The following NDUFB5 variants were observed in gnomAD, a reference collection of about 807,000 sequenced individuals.
NDUFB5 encodes the protein NADH dehydrogenase [ubiquinone] 1 beta subcomplex subunit 5, mitochondrial.
A neutral mutation model predicts 19.4 loss-of-function variants in NDUFB5; 19 were observed. The ratio of observed to expected loss-of-function variants is 0.98; its 90% CI spans 0.68 to 1.43. NDUFB5 has a LOEUF of 1.43. Ranked by LOEUF, NDUFB5 falls within the 40% of genes most tolerant of loss-of-function variation. The pLI, the probability that NDUFB5 is intolerant of heterozygous loss-of-function variation, is 0.00. For synonymous variants in NDUFB5, 80 were observed against 82.6 expected (o/e 0.97, Z 0.17); for missense variants, 233 against 236.5 (o/e 0.99, Z 0.10).
intron 3 of NDUFB5, 28 bp downstream of exon 3, chr3:179,616,077 C>T (rs1323495893): frequency 6.3e-7 from 1 of 1,579,066 alleles, no homozygotes; most frequent in Non-Finnish European, 8.6e-7. Context: ...CCTGCCAGCA[C>T]CACCAGATTG....
intron 1 of NDUFB5, among the ~76,000 whole-genome samples, chr3:179,612,432 G>A (rs1271249794): frequency 2.0e-5 from 3 of 148,292 alleles, no homozygotes; most frequent in Non-Finnish European, 4.5e-5. Context: ...GGTAATATGT[G>A]TAAAGAAAGA....
At chr3:179,620,740 G>T (rs1282713387) in intron 5 of NDUFB5, among the ~76,000 whole-genome samples, 7 of 152,010 alleles carry the variant, frequency 4.6e-5, no homozygotes, top group Non-Finnish European at 7.4e-5. Flanking sequence ...TTTTGCTATT[G>T]TACATACTGC....
chr3:179,611,734 A>C (rs1719246852), intron 1 of NDUFB5, among the ~76,000 whole-genome samples: 1 of 152,084 alleles, frequency 6.6e-6, no homozygotes, highest in Admixed American at 6.6e-5. Context: ...AAGTTCCCAC[A>C]TTCCCACATT....
intron 1 of NDUFB5, among the ~76,000 whole-genome samples, chr3:179,611,298 A>G (rs1277479700): frequency 1.3e-5 from 2 of 152,222 alleles, no homozygotes; most frequent in African/African-American, 4.8e-5. Context: ...TTGGCAAATG[A>G]TGAATGAAGG....
At chr3:179,612,771 C>T (rs897300588) in intron 1 of NDUFB5, among the ~76,000 whole-genome samples, 2 of 152,124 alleles carry the variant, frequency 1.3e-5, no homozygotes, top group African/African-American at 4.8e-5. Context: ...CCGCCGCGCT[C>T]AGCCAAAAAC....
chr3:179,616,092 A>C (rs1719370081), intron 3 of NDUFB5, 43 bp downstream of exon 3: 6 of 1,470,656 alleles, frequency 4.1e-6, no homozygotes, highest in Non-Finnish European at 5.6e-6. Flanking sequence ...AGATTGGAAA[A>C]ATTTTTAAAC....
At chr3:179,607,750 C>A in intron 1 of NDUFB5, 1 of 702,708 alleles carries the variant, frequency 1.4e-6, no homozygotes, top group Admixed American at 2.0e-5. Flanking sequence ...CATTCCCCTT[C>A]CACGTAGCCC....
chr3:179,623,909 A>G lies in NDUFB5; in HGVS notation c.450-11A>G, dbSNP rs1385137847. 4 of 1,613,364 alleles carry G rather than the reference A, an allele frequency of 2.5e-6. No individual in the cohort carries two copies. The highest frequency in any genetic ancestry group is 1.1e-5 in the South Asian group (1 of 90,848). ...GCTGGAATCTCAATATTGCTGTTCC[A>G]TTTGTTACAGGGTAAAGGAGCTGGA... On this transcript the variant is annotated splice_polypyrimidine_tract_variant and intron_variant, in intron 5 of 5. Coordinates refer to ENST00000259037, the MANE Select transcript of NDUFB5 (RefSeq NM_002492.4).
At chr3:179,615,786 T>C (rs1328265850) in intron 2 of NDUFB5, 197 bp from the exon 3 acceptor site, 2 of 614,210 alleles carry the variant, frequency 3.3e-6, no homozygotes, top group African/African-American at 1.9e-5. Flanking sequence ...TTTAGACTTT[T>C]GTTCTTAACA....
intron 2 of NDUFB5, 50 bp from the exon 3 acceptor site, chr3:179,615,933 T>C (rs1560025487): frequency 7.6e-7 from 1 of 1,324,088 alleles, no homozygotes; most frequent in African/African-American, 1.4e-5. Context: ...GATTTGTGTG[T>C]GGGGAGAGTT....
At position 179,618,413 on chromosome 3, in the gene NDUFB5, A is replaced by G. The variant is rs1305503687; in HGVS notation, c.343-2A>G. ...TAATATTAAACGAATTTTCTCTTGT[A>G]GCATCCCATATCAAGATGGATTGCC... On this transcript the variant is annotated splice_acceptor_variant, in intron 4 of 5. Coordinates refer to ENST00000259037, the MANE Select transcript of NDUFB5 (RefSeq NM_002492.4). LOFTEE classifies it high-confidence loss of function. 6.3e-7 allele frequency: 1 copy of G among 1,585,040 alleles called. No individual in the cohort carries two copies.
chr3:179,622,236 C>G (rs1423589559), intron 5 of NDUFB5, among the ~76,000 whole-genome samples: 2 of 152,172 alleles, frequency 1.3e-5, no homozygotes, highest in African/African-American at 4.8e-5. Flanking sequence ...AAGCAGTCTT[C>G]CTGCCTTGGC....
intron 1 of NDUFB5, chr3:179,607,651 A>G: frequency 1.5e-6 from 1 of 662,236 alleles, no homozygotes; most frequent in Non-Finnish European, 2.7e-6. Context: ...ATACATTCCT[A>G]ATGCTATGCA....
Position 179,604,890 on chromosome 3 carries a change from T to A in NDUFB5, c.75T>A (p.Thr25=). ...CTCTGTCTGGCCGGCCCCTTGGCAC[T>A]CGCCTCGGATTTGGGGGCTTCCTCA... ...VAALSGRPLG[T]RLGFGGFLTR... Residue 25 remains threonine (T), a synonymous_variant, in exon 1 of 6, where the codon ACT becomes ACA. Transcript: ENST00000259037. 6.3e-7 allele frequency: 1 copy of A among 1,595,532 alleles called. No individual in the cohort carries two copies. The highest frequency in any genetic ancestry group is 8.5e-7 in the Non-Finnish European group (1 of 1,174,946).
At position 179,626,262 on chromosome 3, in the gene NDUFB5, T is replaced by A. The variant is rs965828428; in HGVS notation, c.*2222T>A. 1.3e-5 allele frequency: 2 copies of A among 152,056 alleles called. No homozygotes were observed. The highest frequency in any genetic ancestry group is 1.3e-4 in the Admixed American group (2 of 15,260). 9.4% of individuals were successfully genotyped at this position (152,056 alleles called of 1,614,324 possible). A position where few individuals can be genotyped will look rare whatever the true frequency, so the allele number is the denominator to read the frequency against. The stretch of plus-strand genomic sequence containing the variant: ...CTATACAGATCTCTGGCCCTTTTTT[T>A]AAATTTTTTTTTTTTTTGAATTGGG... On this transcript the variant is annotated 3_prime_UTR_variant, in exon 6 of 6. Transcript: ENST00000259037.
chr3:179,611,314 T>C (rs1340939449), intron 1 of NDUFB5, among the ~76,000 whole-genome samples: 3 of 152,128 alleles, frequency 2.0e-5, no homozygotes, highest in Non-Finnish European at 4.4e-5. Flanking sequence ...GAAGGATAGA[T>C]GCAAGGAAGA....
At position 179,626,251 on chromosome 3, in the gene NDUFB5, G is replaced by T. The variant is rs1719666283; in HGVS notation, c.*2211G>T. The T allele has an allele frequency of 6.6e-6, 1 of 151,598 alleles. No individual in the cohort carries two copies. The highest frequency in any genetic ancestry group is 2.4e-5 in the African/African-American group (1 of 41,224). 9.4% of individuals were successfully genotyped at this position (151,598 alleles called of 1,614,324 possible). On this transcript the variant is annotated 3_prime_UTR_variant, in exon 6 of 6. Transcript: ENST00000259037. ...TTGAGAAATGTCTATACAGATCTCT[G>T]GCCCTTTTTTTAAATTTTTTTTTTT...
intron 1 of NDUFB5, among the ~76,000 whole-genome samples, chr3:179,613,862 C>T (rs1719310211): frequency 6.6e-6 from 1 of 152,022 alleles, no homozygotes; most frequent in South Asian, 2.1e-4. Flanking sequence ...AGTAATTCAA[C>T]AGTAGGAAAG....
Position 179,625,150 on chromosome 3 carries a change from C to A in NDUFB5, c.*1110C>A, listed in dbSNP as rs1433705513. The A allele has an allele frequency of 1.3e-5, 2 of 152,206 alleles. No individual in the cohort carries two copies. The highest frequency in any genetic ancestry group is 4.8e-5 in the African/African-American group (2 of 41,444). 9.4% of individuals were successfully genotyped at this position (152,206 alleles called of 1,614,324 possible). On this transcript the variant is annotated 3_prime_UTR_variant, in exon 6 of 6. Transcript: ENST00000259037. ...GAGGCTCAGATGTTAAACACAAACTCAGTATTTACAAAAATAAACATTTAA... is the reference window on the plus strand; with the variant it reads ...GAGGCTCAGATGTTAAACACAAACTAAGTATTTACAAAAATAAACATTTAA...
Sources: allele counts gnomAD v4.1 joint callset (sites outside exome capture counted in the v4.1 genomes callset), GRCh38; gene constraint gnomAD v4.1.1; transcripts MANE v1.5; gene names NCBI Gene and HGNC (gene_info 2026-07-23, HGNC 2026-07-21).